The following BIRC6 variants were observed in gnomAD, a reference collection of about 807,000 sequenced individuals.
The protein encoded by BIRC6 is dual E2 ubiquitin-conjugating enzyme/E3 ubiquitin-protein ligase BIRC6.
A neutral mutation model predicts 503.3 loss-of-function variants in BIRC6; 98 were observed. That is an observed-to-expected ratio of 0.19 (90% CI 0.17 to 0.23). The LOEUF (loss-of-function observed/expected upper bound fraction) is 0.23, where lower values mean the gene tolerates loss of function less well. BIRC6 is among the 10% of genes least tolerant of loss of function. The pLI, the probability that BIRC6 is intolerant of heterozygous loss-of-function variation, is 1.00. For synonymous variants in BIRC6, 2,240 were observed against 2,078.7 expected, an observed-to-expected ratio of 1.08 and a Z score of -2.11; for missense variants, 5,360 against 5,806.0, an observed-to-expected ratio of 0.92 and a Z score of 2.50.
intron 57 of BIRC6, among the ~76,000 whole-genome samples, chr2:32,524,456 C>T (rs2056076560): frequency 6.6e-6 from 1 of 152,106 alleles, no homozygotes; most frequent in African/African-American, 2.4e-5. Context: ...CCATATTTGC[C>T]ATATACAGAT....
chr2:32,511,734 T>G (rs1449431209), intron 53 of BIRC6, among the ~76,000 whole-genome samples: 2 of 151,952 alleles, frequency 1.3e-5, no homozygotes, highest in Admixed American at 6.5e-5. Context: ...AACAGAGAGA[T>G]TTCTTCCTGA....
At chr2:32,510,730 A>G (rs1172078494) in intron 53 of BIRC6, 96 bp downstream of exon 53, 21 of 816,594 alleles carry the variant, frequency 2.6e-5, no homozygotes, top group African/African-American at 1.7e-5. Flanking sequence ...GATCTCATAA[A>G]AGACAATACT....
intron 1 of BIRC6, among the ~76,000 whole-genome samples, chr2:32,368,136 C>G (rs532850787): frequency 6.6e-6 from 1 of 152,176 alleles, no homozygotes; most frequent in African/African-American, 2.4e-5. Flanking sequence ...CGCTTGGGCC[C>G]CAGTATTCTG....
chr2:32,532,133 T>TGTGTGTGTG (rs780165363), intron 61 of BIRC6: 4 of 80,722 alleles, frequency 5.0e-5, no homozygotes, highest in East Asian at 3.0e-4. Flanking sequence ...TGATTTCATG[T>TGTGTGTGTG]CGTGTGTGTG....
At chr2:32,569,487 G>C (rs1443753230) in intron 65 of BIRC6, among the ~76,000 whole-genome samples, 1 of 152,146 alleles carries the variant, frequency 6.6e-6, no homozygotes, top group Non-Finnish European at 1.5e-5. Flanking sequence ...TCCTGCCTCA[G>C]CTTCCCAAGT....
intron 32 of BIRC6, among the ~76,000 whole-genome samples, chr2:32,472,256 A>T (rs1418565017): frequency 6.6e-6 from 1 of 152,130 alleles, no homozygotes; most frequent in Non-Finnish European, 1.5e-5. Context: ...TTTAGTAGGG[A>T]CGAGGTTTCA....
intron 23 of BIRC6, among the ~76,000 whole-genome samples, chr2:32,458,833 T>G (rs1013980580): frequency 6.6e-6 from 1 of 151,850 alleles, no homozygotes; most frequent in Non-Finnish European, 1.5e-5. Context: ...GTTGGGATTA[T>G]AGACATGCAC....
At chr2:32,429,070 T>A in intron 10 of BIRC6, 76 bp from the exon 11 acceptor site, 1 of 1,243,636 alleles carries the variant, frequency 8.0e-7, no homozygotes, top group Non-Finnish European at 1.1e-6. Flanking sequence ...TTCAGTTGTT[T>A]CCTAAGTAGT....
intron 10 of BIRC6, among the ~76,000 whole-genome samples, chr2:32,425,524 G>A (rs1235596146): frequency 3.3e-5 from 5 of 150,586 alleles, no homozygotes; most frequent in African/African-American, 1.2e-4. Context: ...AACTTTCTGA[G>A]TATTGTAATG....
Position 32,485,721 on chromosome 2 carries a change from A to G in BIRC6, c.7775A>G (p.Asp2592Gly). Residue 2592 changes from aspartate to glycine, a missense_variant, in exon 40 of 74, where the codon GAT becomes GGT. Around this residue, in one of 16 missense-constraint regions of BIRC6, gnomAD observed 2,299 missense variants for 2,267.2 expected, o/e 1.01. Coordinates refer to ENST00000421745, the MANE Select transcript of BIRC6 (RefSeq NM_016252.4). ...AAAATGATGTCTACTCTGGAGGCAG[A>G]TTCCATTTTACAGGCATTAACAAAT... The part of the protein sequence containing the change: ...MLKMMSTLEA[D>G]SILQALTNTS... The G allele has an allele frequency of 6.2e-7, 1 of 1,613,576 alleles. No homozygotes were observed. The highest frequency in any genetic ancestry group is 8.5e-7 in the Non-Finnish European group (1 of 1,179,554).
At chr2:32,370,119 A>G (rs2035716605) in intron 1 of BIRC6, among the ~76,000 whole-genome samples, 2 of 151,016 alleles carry the variant, frequency 1.3e-5, no homozygotes, top group African/African-American at 4.9e-5. Flanking sequence ...ATCCTAAAGG[A>G]ATAATATAAC....
intron 53 of BIRC6, 36 bp from the exon 54 acceptor site, chr2:32,512,897 A>G: frequency 1.3e-6 from 2 of 1,553,472 alleles, no homozygotes; most frequent in South Asian, 1.1e-5. Flanking sequence ...ATTGCACTAT[A>G]TAGTTGGTTA....
At chr2:32,484,762 C>T (rs2050811140) in intron 39 of BIRC6, among the ~76,000 whole-genome samples, 1 of 152,038 alleles carries the variant, frequency 6.6e-6, no homozygotes, top group Non-Finnish European at 1.5e-5. Flanking sequence ...TCTTGAACTC[C>T]TGGGTGAGCC....
At chr2:32,520,008 T>C (rs181722976) in intron 57 of BIRC6, among the ~76,000 whole-genome samples, 2 of 152,324 alleles carry the variant, frequency 1.3e-5, no homozygotes, top group East Asian at 3.9e-4. Context: ...TAAAATAAAC[T>C]AGAAATGTCT....
At chr2:32,412,280 C>T (rs761704800) in intron 9 of BIRC6, among the ~76,000 whole-genome samples, 11 of 152,086 alleles carry the variant, frequency 7.2e-5, no homozygotes, top group Middle Eastern at 3.4e-3. Context: ...GGGCAGATCA[C>T]GAGGTCAGGA....
At position 32,395,467 on chromosome 2, in the gene BIRC6, A is replaced by G. The variant is rs376804879; in HGVS notation, c.952-44A>G. The G allele has an allele frequency of 3.2e-5, 45 of 1,391,268 alleles. No homozygotes were observed. In the East Asian group the frequency reaches 7.3e-4, roughly 23 times the overall value. 86.2% of individuals were successfully genotyped at this position (1,391,268 alleles called of 1,614,324 possible). A position where few individuals can be genotyped will look rare whatever the true frequency, so the allele number is the denominator to read the frequency against. ...TAACTTTTATTATAAAGCTATTTTAATAATGATTTACCTTTTCTGTCTCTT... is the reference window on the plus strand; with the variant it reads ...TAACTTTTATTATAAAGCTATTTTAGTAATGATTTACCTTTTCTGTCTCTT... On this transcript the variant is annotated intron_variant, in intron 5 of 73. Transcript: ENST00000421745.
At position 32,575,354 on chromosome 2, in the gene BIRC6, C is replaced by T; in HGVS notation, c.13343C>T (p.Thr4448Ile). Reference sequence around the variant, plus strand: ...ATGAAGACCTGTGTTGATACCTATACCAACCGTTTAAGGTACTATATACAA... The same window carrying T: ...ATGAAGACCTGTGTTGATACCTATATCAACCGTTTAAGGTACTATATACAA... ...AKMKTCVDTY[T>I]NRLRSKRENV... The change falls in exon 66 of 74, where the codon ACC becomes ATC. Residue 4448 changes from threonine (T) to isoleucine (I), a missense_variant. Physicochemically the swap from Thr to Ile is moderately conservative, Grantham distance 89. Coordinates refer to ENST00000421745, the MANE Select transcript of BIRC6 (RefSeq NM_016252.4). 6.2e-7 allele frequency: 1 copy of T among 1,613,540 alleles called. No individual in the cohort carries two copies.
At chr2:32,497,303 C>T (rs1413261143) in intron 45 of BIRC6, among the ~76,000 whole-genome samples, 1 of 152,212 alleles carries the variant, frequency 6.6e-6, no homozygotes, top group Non-Finnish European at 1.5e-5. Flanking sequence ...GCCACTACAC[C>T]AAGTTTGATT....
intron 1 of BIRC6, among the ~76,000 whole-genome samples, 165 bp from the exon 2 acceptor site, chr2:32,377,423 T>G (rs1294644298): frequency 6.6e-6 from 1 of 152,194 alleles, no homozygotes. Context: ...ATGGTACATA[T>G]TTGAATTTAA....
Sources: allele counts gnomAD v4.1 joint callset (sites outside exome capture counted in the v4.1 genomes callset), GRCh38; gene constraint gnomAD v4.1.1; regional missense constraint gnomAD v4.1.1; transcripts MANE v1.5; gene names NCBI Gene and HGNC (gene_info 2026-07-23, HGNC 2026-07-21).